SEC22C: variants seen among roughly 807,000 people sequenced by gnomAD.
The protein encoded by SEC22C is vesicle-trafficking protein SEC22c.
Under a neutral mutation model 34.7 loss-of-function variants are expected in SEC22C, and 29 were observed. The observed-to-expected ratio is 0.84, with a 90% confidence interval of 0.62 to 1.14. SEC22C has a LOEUF of 1.14. Ranked by LOEUF, SEC22C falls within the 50% of genes most tolerant of loss-of-function variation. SEC22C has a pLI of 0.00. For missense variants in SEC22C, 337 were observed against 369.0 expected (o/e 0.91, Z 0.71); for synonymous variants, 117 against 132.8 (o/e 0.88, Z 0.82).
rs377123772 is a variant in SEC22C at position 42,591,620 on chromosome 3, G to A, written c.-28+9340C>T. On this transcript the variant is annotated intron_variant, in intron 1 of 6. Transcript: ENST00000417572. Reference sequence around the variant, plus strand: ...GCGTGCAGTAAGTACCCCCACCCCCGCGCCCCTGACCTGTGGGTAGAGGGG... The same window carrying A: ...GCGTGCAGTAAGTACCCCCACCCCCACGCCCCTGACCTGTGGGTAGAGGGG... 7.6e-6 allele frequency: 12 copies of A among 1,584,022 alleles called. No homozygotes were observed. The South Asian group carries it at 9.9e-5, about 13-fold the overall frequency.
rs1702102773 is a variant in SEC22C, at chr3:42,548,733, A to G, written c.*4515T>C. 6.2e-7 allele frequency: 1 copy of G among 1,608,008 alleles called. No homozygotes were observed. Among genetic ancestry groups the G allele is most frequent in the South Asian group, 1.1e-5 (1 of 90,870 alleles). ...GAAAGGCAGGTCCAGGGTGGGAAGA[A>G]GAGGGGCTGCTACCTTTTGGAGTGA... On this transcript the variant is annotated 3_prime_UTR_variant, in exon 7 of 7. Coordinates refer to ENST00000264454, the MANE Select transcript of SEC22C (RefSeq NM_032970.4).
At chr3:42,598,359 G>C (rs1019078751) in intron 1 of SEC22C, among the ~76,000 whole-genome samples, 2 of 146,478 alleles carry the variant, frequency 1.4e-5, no homozygotes, top group African/African-American at 2.5e-5. Flanking sequence ...ACAGAGTCTC[G>C]CACTGTCACC....
intron 1 of SEC22C, chr3:42,591,572 G>A (rs1197666611): frequency 6.2e-7 from 1 of 1,614,036 alleles, no homozygotes; most frequent in Non-Finnish European, 8.5e-7. Context: ...TGGAGTATCA[G>A]AACAAGGGCC....
Position 42,595,571 on chromosome 3 carries a change from T to A in SEC22C, c.-28+5389A>T, listed in dbSNP as rs531314541. On this transcript the variant is annotated intron_variant, in intron 1 of 6. Coordinates refer to the SEC22C transcript ENST00000417572. ...TAAATTATGATCCACCCAGCTTTGA[T>A]GTGGTAATTCATTAGGGATTACATA... Among the ~76,000 whole-genome samples the A allele has an allele frequency of 2.6e-5, 4 of 152,364 alleles. No homozygotes were observed. The South Asian group carries it at 8.3e-4, about 32-fold the overall frequency.
intron 1 of SEC22C, among the ~76,000 whole-genome samples, chr3:42,599,037 C>T (rs1307758539): frequency 6.6e-6 from 1 of 150,572 alleles, no homozygotes; most frequent in Non-Finnish European, 1.5e-5. Context: ...CCGATCTCGG[C>T]TCACTGCAAG....
chr3:42,576,077 A>T (rs1400461500), intron 1 of SEC22C, among the ~76,000 whole-genome samples: 1 of 152,234 alleles, frequency 6.6e-6, no homozygotes, highest in East Asian at 1.9e-4. Flanking sequence ...ACCTCCAAAC[A>T]CTTGAAAATT....
At chr3:42,578,523 G>A (rs9849556) in intron 1 of SEC22C, among the ~76,000 whole-genome samples, 1,777 of 146,254 alleles carry the variant, frequency 0.012, 34 homozygotes, top group African/African-American at 0.045. Context: ...ATCTACACAC[G>A]ATAAAGTGAC....
chr3:42,599,327 G>C (rs1273228840), intron 1 of SEC22C, among the ~76,000 whole-genome samples: 1 of 151,756 alleles, frequency 6.6e-6, no homozygotes, highest in East Asian at 1.9e-4. Flanking sequence ...CTCAGACACA[G>C]ATCATTGGAA....
intron 1 of SEC22C, among the ~76,000 whole-genome samples, chr3:42,593,281 G>C (rs544410781): frequency 6.6e-6 from 1 of 152,088 alleles, no homozygotes; most frequent in Admixed American, 6.5e-5. Flanking sequence ...TTAGCCAGGC[G>C]TGGTGTGTGC....
At position 42,597,078 on chromosome 3, in the gene SEC22C, C is replaced by G. The variant is rs1223396186; in HGVS notation, c.-28+3882G>C. Reference sequence around the variant, plus strand: ...TCCAGAAAGGCATGTACATTTCATACTGTTCAAGTCTGTAATTGTCAGCAA... The same window carrying G: ...TCCAGAAAGGCATGTACATTTCATAGTGTTCAAGTCTGTAATTGTCAGCAA... On this transcript the variant is annotated intron_variant, in intron 1 of 6. Coordinates refer to the SEC22C transcript ENST00000417572. 2.0e-5 allele frequency among the ~76,000 whole-genome samples: 3 copies of G among 152,172 alleles called. No homozygotes were observed. In the East Asian group the frequency reaches 5.8e-4, roughly 29 times the overall value.
At chr3:42,554,095 T>C (rs892912444) in intron 6 of SEC22C, among the ~76,000 whole-genome samples, 2 of 151,974 alleles carry the variant, frequency 1.3e-5, no homozygotes, top group Non-Finnish European at 2.9e-5. Flanking sequence ...ATGCTTTGTT[T>C]TTTTTTTTTA....
Position 42,588,562 on chromosome 3 carries a change from A to G in SEC22C, c.-28+12398T>C, listed in dbSNP as rs568969787. The stretch of plus-strand genomic sequence containing the variant: ...TGTATATATACATACCATATGTAGC[A>G]TTATGTTATATAGTATTATATAAAT... On this transcript the variant is annotated intron_variant, in intron 1 of 6. Coordinates refer to the SEC22C transcript ENST00000417572. 3.7e-4 allele frequency among the ~76,000 whole-genome samples: 56 copies of G among 152,330 alleles called. 1 individual carries two copies. The highest frequency in any genetic ancestry group is 6.8e-4 in the Non-Finnish European group (46 of 68,026).
Position 42,552,352 on chromosome 3 carries a change from A to G in SEC22C, c.*896T>C. On this transcript the variant is annotated 3_prime_UTR_variant, in exon 7 of 7. Coordinates refer to ENST00000264454, the MANE Select transcript of SEC22C (RefSeq NM_032970.4). ...CAACAGGCACTCAGCTCTACTGAAA[A>G]GGCTGATGACAGCAGCCCCTCCCAA... The G allele has an allele frequency of 1.0e-6, 1 of 985,296 alleles. No individual in the cohort carries two copies. The allele number at this position is 985,296 out of a possible 1,614,324, so 61.0% of individuals were successfully genotyped here.
rs187510628 is a variant in SEC22C at position 42,563,757 on chromosome 3, A to G, written c.183-71T>C. ...GTATTCCCATCCCACACCCAGACAC[A>G]ACCTTACCTGAATTCTGCACTTGCT... is the stretch of plus-strand genomic sequence containing the variant. On this transcript the variant is annotated intron_variant, in intron 2 of 6. Coordinates refer to ENST00000264454, the MANE Select transcript of SEC22C (RefSeq NM_032970.4). 1.9e-6 allele frequency: 3 copies of G among 1,602,264 alleles called. No homozygotes were observed. The East Asian group carries it at 6.8e-5, about 36-fold the overall frequency.
At position 42,568,865 on chromosome 3, in the gene SEC22C, T is replaced by C. The variant is rs1296877631; in HGVS notation, c.182A>G (p.His61Arg). ...GSAEGCDFSIHFSSFGDVACM... is the reference protein window; with the variant it reads ...GSAEGCDFSIRFSSFGDVACM... ...TGAAAAAGTGAATATGATCACTTAC[T>C]GTATACTAAAGTCACAACCTTCTGC... is the stretch of plus-strand genomic sequence containing the variant. The change falls in exon 2 of 7, where the codon CAT becomes CGT. Residue 61 changes from histidine (H) to arginine (R), a missense_variant and splice_region_variant. Coordinates refer to ENST00000264454, the MANE Select transcript of SEC22C (RefSeq NM_032970.4). 4.3e-6 allele frequency: 7 copies of C among 1,614,016 alleles called. No individual in the cohort carries two copies. The highest frequency in any genetic ancestry group is 5.1e-6 in the Non-Finnish European group (6 of 1,179,872).
chr3:42,579,535 A>G (rs1036414023), intron 1 of SEC22C: 2 of 151,420 alleles, frequency 1.3e-5, no homozygotes, highest in Non-Finnish European at 2.9e-5. Context: ...TCAGGAGGTC[A>G]AGGCTGCGTG....
intron 1 of SEC22C, among the ~76,000 whole-genome samples, chr3:42,597,491 G>C (rs1705061844): frequency 1.3e-5 from 2 of 152,018 alleles, no homozygotes; most frequent in African/African-American, 2.4e-5. Context: ...AGGAGGCAGA[G>C]GTTGCAGTGA....
chr3:42,574,494 G>A (rs1183681890), intron 1 of SEC22C, among the ~76,000 whole-genome samples: 2 of 152,068 alleles, frequency 1.3e-5, no homozygotes, highest in Non-Finnish European at 2.9e-5. Context: ...GGAATATCAG[G>A]AAGAAAGAAA....
At chr3:42,594,656 G>T in intron 1 of SEC22C, 1 of 594,402 alleles carries the variant, frequency 1.7e-6, no homozygotes, top group Non-Finnish European at 2.9e-6. Context: ...TTCGAAACGT[G>T]AAAATGTGAA....
Sources: allele counts gnomAD v4.1 joint callset (sites outside exome capture counted in the v4.1 genomes callset), GRCh38; gene constraint gnomAD v4.1.1; transcripts MANE v1.5; gene names NCBI Gene and HGNC (gene_info 2026-07-23, HGNC 2026-07-21).